Variants in SGCD observed in about 807,000 individuals in gnomAD.
SGCD encodes sarcoglycan delta, also known as delta-sarcoglycan.
A neutral mutation model predicts 36.6 loss-of-function variants in SGCD; 18 were observed. The observed-to-expected ratio is 0.49, with a 90% CI of 0.34 to 0.73. SGCD has a LOEUF of 0.73. Ranked by LOEUF, SGCD falls within the 30% of genes least tolerant of loss-of-function variation. SGCD has a pLI of 0.01. For missense variants in SGCD, 387 were observed against 346.7 expected (o/e 1.12, Z -0.92); for synonymous variants, 133 against 130.6 (o/e 1.02, Z -0.12).
At chr5:156,520,844 C>T (rs1757371428) in intron 4 of SGCD, among the ~76,000 whole-genome samples, 2 of 151,958 alleles carry the variant, frequency 1.3e-5, no homozygotes, top group South Asian at 4.2e-4. Flanking sequence ...AGTGAAACCC[C>T]ATCTCTACTA....
chr5:156,355,271 C>T (rs538187865), intron 3 of SGCD, among the ~76,000 whole-genome samples: 2 of 152,306 alleles, frequency 1.3e-5, no homozygotes, highest in South Asian at 4.1e-4. Context: ...GCCCCAGGCA[C>T]TTTCCAAGAC....
At chr5:155,811,647 A>G in the SGCD span, among the ~76,000 whole-genome samples, 3 of 152,108 alleles carry the variant, frequency 2.0e-5, no homozygotes, top group African/African-American at 7.3e-5. Flanking sequence ...CCGCAATGCA[A>G]CGGGGCTCTC....
chr5:156,484,785 C>G (rs1755585179), intron 3 of SGCD, among the ~76,000 whole-genome samples: 1 of 152,124 alleles, frequency 6.6e-6, no homozygotes, highest in African/African-American at 2.4e-5. Context: ...TTTCTCGGGT[C>G]CCCTTGGAAT....
chr5:156,015,836 T>G (rs186505273), intron 1 of SGCD, among the ~76,000 whole-genome samples: 110 of 150,766 alleles, frequency 7.3e-4, no homozygotes, highest in African/African-American at 2.5e-3. Flanking sequence ...GCATTGGTTT[T>G]GGAATGAATG....
intron 3 of SGCD, among the ~76,000 whole-genome samples, chr5:156,311,211 CTCCCTGCTTGAGACTAGAT>C (rs1767381102): frequency 2.0e-5 from 3 of 152,278 alleles, no homozygotes; most frequent in African/African-American, 7.2e-5. Context: ...TATTTTACCA[CTCCCTGCTTGAGACTAGAT>C]TCCCTGCTGT....
chr5:156,749,530 GA>G (rs904150627), intron 7 of SGCD, among the ~76,000 whole-genome samples: 28 of 151,878 alleles, frequency 1.8e-4, no homozygotes, highest in African/African-American at 6.5e-4. Context: ...AAGAAGACGT[GA>G]AAAAAATATG....
chr5:156,255,283 A>G (rs1350580937), intron 3 of SGCD, among the ~76,000 whole-genome samples: 1 of 152,224 alleles, frequency 6.6e-6, no homozygotes, highest in African/African-American at 2.4e-5. Flanking sequence ...ACCCAATTTT[A>G]TCATGGTATG....
chr5:156,421,426 C>T (rs1580965778), intron 3 of SGCD, among the ~76,000 whole-genome samples: 1 of 152,146 alleles, frequency 6.6e-6, no homozygotes, highest in African/African-American at 2.4e-5. Context: ...TTGGTTTCTT[C>T]GAAGAAAATC....
At chr5:155,908,329 T>C (rs1756564837) in intron 1 of SGCD, among the ~76,000 whole-genome samples, 1 of 152,132 alleles carries the variant, frequency 6.6e-6, no homozygotes. Flanking sequence ...CAAAAGCCCA[T>C]GCAGACATTT....
At chr5:156,439,162 A>G (rs1010152556) in intron 3 of SGCD, among the ~76,000 whole-genome samples, 1 of 152,118 alleles carries the variant, frequency 6.6e-6, no homozygotes, top group African/African-American at 2.4e-5. Flanking sequence ...CCTTCAAGGT[A>G]TAATCCCATT....
At chr5:156,079,662 G>A (rs914356365) in intron 1 of SGCD, among the ~76,000 whole-genome samples, 1 of 152,202 alleles carries the variant, frequency 6.6e-6, no homozygotes, top group African/African-American at 2.4e-5. Context: ...AAATCTTAAA[G>A]CTCTGAAATA....
intron 4 of SGCD, among the ~76,000 whole-genome samples, chr5:156,510,815 A>C (rs962396980): frequency 2.0e-5 from 3 of 152,206 alleles, no homozygotes; most frequent in Admixed American, 6.5e-5. Context: ...GTGTTGAGTA[A>C]AACATCCTGA....
chr5:156,145,348 A>G (rs939508503), intron 3 of SGCD, among the ~76,000 whole-genome samples: 8 of 152,176 alleles, frequency 5.3e-5, no homozygotes, highest in African/African-American at 1.2e-4. Flanking sequence ...TGATGCTGCC[A>G]TGCTTTCTGT....
the SGCD span, among the ~76,000 whole-genome samples, chr5:155,785,257 G>T: frequency 6.6e-6 from 1 of 151,928 alleles, no homozygotes; most frequent in African/African-American, 2.4e-5. Context: ...CTCTCTCCAC[G>T]GACAAGTTTT....
the SGCD span, among the ~76,000 whole-genome samples, chr5:155,741,693 T>C: frequency 3.2e-4 from 48 of 150,718 alleles, no homozygotes; most frequent in East Asian, 4.1e-3. Flanking sequence ...TTTTCTTTTT[T>C]TTTTTTTTTT....
At chr5:156,334,609 C>CTTTTTTTTTTT (rs35767339) in intron 2 of SGCD, among the ~76,000 whole-genome samples, 258 of 104,894 alleles carry the variant, frequency 2.5e-3, no homozygotes, top group Non-Finnish European at 3.4e-3. Context: ...GGTCTATTTT[C>CTTTTTTTTTTT]TTTTTTTTTT....
At chr5:156,139,652 C>T (rs1472027684) in intron 3 of SGCD, among the ~76,000 whole-genome samples, 3 of 152,164 alleles carry the variant, frequency 2.0e-5, no homozygotes, top group African/African-American at 7.2e-5. Flanking sequence ...GGCAGGAGCA[C>T]ATTCTATTCT....
chr5:156,360,766 C>T (rs1561644392), intron 3 of SGCD, among the ~76,000 whole-genome samples: 1 of 152,208 alleles, frequency 6.6e-6, no homozygotes. Context: ...TCACCCTTCC[C>T]ATCCCCTCTC....
the SGCD span, among the ~76,000 whole-genome samples, chr5:155,732,112 T>C: frequency 6.6e-6 from 1 of 152,162 alleles, no homozygotes; most frequent in African/African-American, 2.4e-5. Context: ...GTTGACCTTG[T>C]CAGGGGCTTT....
Sources: gnomAD v4.1 joint callset for allele counts (sites outside exome capture counted in the v4.1 genomes callset) on GRCh38, gnomAD v4.1.1 for gene constraint, MANE v1.5 for transcripts, NCBI Gene and HGNC (gene_info 2026-07-23, HGNC 2026-07-21) for gene names.